DAB1: variants seen among roughly 807,000 people sequenced by gnomAD.
DAB1 encodes disabled homolog 1.
DAB1 carries 15 observed loss-of-function variants against 64.6 expected under a neutral mutation model. The ratio of observed to expected loss-of-function variants is 0.23; its 90% confidence interval spans 0.16 to 0.36. The LOEUF (loss-of-function observed/expected upper bound fraction) is 0.36. DAB1 is among the 10% of genes least tolerant of loss of function. The probability of loss-of-function intolerance (pLI) is 1.00; values close to 1 mark genes in which losing one functional copy is unlikely to be tolerated. For missense variants in DAB1, 596 were observed against 706.7 expected (o/e 0.84, Z 1.78); for synonymous variants, 235 against 251.9 (o/e 0.93, Z 0.64).
chr1:57,248,311 C>T (rs1423636918), intron 2 of DAB1, among the ~76,000 whole-genome samples: 1 of 151,670 alleles, frequency 6.6e-6, no homozygotes, highest in Non-Finnish European at 1.5e-5. Flanking sequence ...GAATGCCAAA[C>T]CTGTAGATGA....
intron 4 of DAB1, among the ~76,000 whole-genome samples, chr1:57,114,566 A>G (rs371970887): frequency 3.7e-4 from 56 of 152,346 alleles, no homozygotes; most frequent in African/African-American, 1.3e-3. Context: ...ACAAGAAGTC[A>G]ATCAGGTGTA....
chr1:58,461,485 G>A (rs943067363), intron 3 of DAB1, among the ~76,000 whole-genome samples: 3 of 152,214 alleles, frequency 2.0e-5, no homozygotes, highest in Non-Finnish European at 4.4e-5. Flanking sequence ...TGAAGGCTTT[G>A]GCGGGCCAGT....
At chr1:57,072,531 G>A in intron 4 of DAB1, 117 bp from the exon 5 acceptor site, 1 of 1,059,684 alleles carries the variant, frequency 9.4e-7, no homozygotes, top group Non-Finnish European at 1.4e-6. Context: ...TGGAAAAGCT[G>A]TTTAGTCCAG....
At chr1:57,766,921 G>C (rs59217323) in intron 6 of DAB1, among the ~76,000 whole-genome samples, 181 of 152,210 alleles carry the variant, frequency 1.2e-3, no homozygotes, top group African/African-American at 4.2e-3. Flanking sequence ...TTTACTTACA[G>C]TTACCAGGTT....
intron 2 of DAB1, among the ~76,000 whole-genome samples, chr1:57,191,820 GT>G (rs2100210211): frequency 6.6e-6 from 1 of 152,156 alleles, no homozygotes; most frequent in African/African-American, 2.4e-5. Flanking sequence ...CTCTTCCTGG[GT>G]CCCTGAGTCC....
At chr1:57,233,134 G>A (rs1378754386) in intron 2 of DAB1, among the ~76,000 whole-genome samples, 2 of 151,804 alleles carry the variant, frequency 1.3e-5, no homozygotes, top group East Asian at 3.9e-4. Flanking sequence ...CAAGTGCCAC[G>A]CTTCCAAGTT....
At chr1:58,447,025 A>C (rs1166530285) in intron 3 of DAB1, among the ~76,000 whole-genome samples, 1 of 152,150 alleles carries the variant, frequency 6.6e-6, no homozygotes, top group Non-Finnish European at 1.5e-5. Flanking sequence ...TGGACATCCT[A>C]TTAGGATGGT....
At chr1:57,882,687 C>T (rs1644162953) in intron 1 of DAB1, among the ~76,000 whole-genome samples, 1 of 152,110 alleles carries the variant, frequency 6.6e-6, no homozygotes, top group African/African-American at 2.4e-5. Flanking sequence ...ATTCTACCTC[C>T]CTTCACCCCA....
chr1:58,345,697 C>T (rs1253592430), intron 3 of DAB1, among the ~76,000 whole-genome samples: 4 of 152,062 alleles, frequency 2.6e-5, no homozygotes, highest in African/African-American at 7.2e-5. Context: ...GCCAGAGATA[C>T]TCCAATCCCC....
At chr1:57,312,652 A>G (rs1210717960) in intron 1 of DAB1, among the ~76,000 whole-genome samples, 1 of 152,108 alleles carries the variant, frequency 6.6e-6, no homozygotes, top group African/African-American at 2.4e-5. Context: ...GAATCATACA[A>G]AGGCTTTATT....
chr1:57,284,919 G>A (rs186496771), intron 2 of DAB1, among the ~76,000 whole-genome samples: 10 of 152,252 alleles, frequency 6.6e-5, no homozygotes, highest in Admixed American at 4.6e-4. Context: ...GTTCACACTC[G>A]GTTTGATGTG....
At chr1:58,021,549 T>C (rs1459398331) in intron 5 of DAB1, among the ~76,000 whole-genome samples, 1 of 152,068 alleles carries the variant, frequency 6.6e-6, no homozygotes, top group Non-Finnish European at 1.5e-5. Context: ...CTAATAAGAA[T>C]AGATGGTGGA....
chr1:57,582,936 G>A (rs1322413802), intron 7 of DAB1, among the ~76,000 whole-genome samples: 3 of 152,206 alleles, frequency 2.0e-5, no homozygotes, highest in South Asian at 4.1e-4. Context: ...GGGGCTTCAG[G>A]AAAAGACTTC....
chr1:57,081,470 A>G (rs1377587405), intron 4 of DAB1, among the ~76,000 whole-genome samples: 5 of 152,214 alleles, frequency 3.3e-5, no homozygotes, highest in Non-Finnish European at 7.3e-5. Flanking sequence ...TCATCAGAAA[A>G]AGAAAAGAGC....
At chr1:58,530,460 G>A (rs531522361) in intron 1 of DAB1, 6 of 528,698 alleles carry the variant, frequency 1.1e-5, no homozygotes, top group South Asian at 6.0e-5. Context: ...CCCTAAAAAC[G>A]AGAAAACATA....
intron 3 of DAB1, among the ~76,000 whole-genome samples, chr1:58,405,490 C>T (rs1184683606): frequency 2.6e-5 from 4 of 152,158 alleles, no homozygotes; most frequent in Non-Finnish European, 4.4e-5. Flanking sequence ...CTCAGCCTCC[C>T]GAGTAGCTGG....
chr1:58,064,894 T>C (rs1390423948), intron 5 of DAB1, among the ~76,000 whole-genome samples: 1 of 151,832 alleles, frequency 6.6e-6, no homozygotes, highest in South Asian at 2.1e-4. Flanking sequence ...GGCTAATTTT[T>C]TGTATTTTTA....
At chr1:58,014,865 A>G (rs1263550797) in intron 5 of DAB1, among the ~76,000 whole-genome samples, 2 of 152,190 alleles carry the variant, frequency 1.3e-5, no homozygotes, top group African/African-American at 2.4e-5. Context: ...CCAAGATAGG[A>G]GGAAACAAAC....
At chr1:57,852,028 A>AG (rs1207419240) in intron 1 of DAB1, among the ~76,000 whole-genome samples, 1 of 152,200 alleles carries the variant, frequency 6.6e-6, no homozygotes, top group Non-Finnish European at 1.5e-5. Flanking sequence ...AAGGAGACTG[A>AG]GGGGGTCTCA....
Sources: allele counts gnomAD v4.1 joint callset (sites outside exome capture counted in the v4.1 genomes callset), GRCh38; gene constraint gnomAD v4.1.1; transcripts MANE v1.5; gene names NCBI Gene and HGNC (gene_info 2026-07-23, HGNC 2026-07-21).